The following SDC4 variants were observed in gnomAD, a reference collection of about 807,000 sequenced individuals.
SDC4 encodes the protein syndecan-4.
In SDC4, 17 loss-of-function variants were observed where a neutral mutation model predicts 20.5. The observed-to-expected ratio is 0.83, with a 90% confidence interval of 0.57 to 1.25. The LOEUF (loss-of-function observed/expected upper bound fraction) is 1.25. Ranked by LOEUF, SDC4 falls within the 50% of genes most tolerant of loss-of-function variation. The probability of loss-of-function intolerance (pLI) is 0.00; values close to 1 mark genes in which losing one functional copy is unlikely to be tolerated. For missense variants in SDC4, 241 were observed against 252.3 expected (o/e 0.96, Z 0.30); for synonymous variants, 107 against 105.3 (o/e 1.02, Z -0.10).
chr20:45,332,709 C>T (rs915354094), intron 3 of SDC4, among the ~76,000 whole-genome samples: 4 of 152,136 alleles, frequency 2.6e-5, no homozygotes, highest in Admixed American at 2.6e-4. Flanking sequence ...ATTCTCCCAC[C>T]TCAGCCTCTC....
chr20:45,330,356 G>A lies in SDC4; in HGVS notation c.445+10C>T, dbSNP rs761595803. On this transcript the variant is annotated intron_variant, in intron 4 of 4. Coordinates refer to ENST00000372733, the MANE Select transcript of SDC4 (RefSeq NM_002999.4). ...CTTCAAGGCATCTTATAAGCAGCATGGGGACTTACCTGCCAGGACCTCCGT... is the reference window on the plus strand; with the variant it reads ...CTTCAAGGCATCTTATAAGCAGCATAGGGACTTACCTGCCAGGACCTCCGT... 6 of 1,612,816 alleles carry A rather than the reference G, an allele frequency of 3.7e-6. No homozygotes were observed. The highest frequency in any genetic ancestry group is 5.1e-6 in the Non-Finnish European group (6 of 1,179,484).
chr20:45,348,271 G>T, intron 1 of SDC4, 54 bp downstream of exon 1: 1 of 1,458,926 alleles, frequency 6.9e-7, no homozygotes, highest in Non-Finnish European at 9.4e-7. Context: ...AACAAAGGAG[G>T]CACCGGCCTG....
At chr20:45,327,439 G>GC in intron 4 of SDC4, 24 bp from the exon 5 acceptor site, 1 of 1,606,908 alleles carries the variant, frequency 6.2e-7, no homozygotes. Flanking sequence ...GAGAGAAGAG[G>GC]CGGGGGTGAG....
intron 1 of SDC4, among the ~76,000 whole-genome samples, chr20:45,340,744 G>T (rs949469570): frequency 6.6e-6 from 1 of 152,222 alleles, no homozygotes; most frequent in Non-Finnish European, 1.5e-5. Flanking sequence ...GACCAGAAGG[G>T]TAATAACTGG....
At chr20:45,335,971 C>T in intron 1 of SDC4, 51 bp from the exon 2 acceptor site, 2 of 1,584,848 alleles carry the variant, frequency 1.3e-6, no homozygotes, top group Non-Finnish European at 8.6e-7. Flanking sequence ...TGCTCCATGA[C>T]AGCTGATGCC....
chr20:45,347,902 C>G (rs2853907), intron 1 of SDC4, among the ~76,000 whole-genome samples: 1 of 151,936 alleles, frequency 6.6e-6, no homozygotes, highest in Non-Finnish European at 1.5e-5. Context: ...TCCGAGTACA[C>G]GCAGCCCCCC....
intron 1 of SDC4, 106 bp from the exon 2 acceptor site, chr20:45,336,026 G>A (rs756368376): frequency 2.5e-5 from 32 of 1,295,538 alleles, no homozygotes; most frequent in Non-Finnish European, 3.4e-5. Flanking sequence ...AAGAGACCAG[G>A]CCAGGGCCTG....
intron 1 of SDC4, among the ~76,000 whole-genome samples, chr20:45,346,978 G>A (rs1052834777): frequency 6.6e-6 from 1 of 152,190 alleles, no homozygotes; most frequent in Admixed American, 6.5e-5. Flanking sequence ...CCCTGGGCAA[G>A]TTACTTAACC....
Position 45,327,207 on chromosome 20 carries a change from C to A in SDC4, c.*57G>T. 6.2e-7 allele frequency: 1 copy of A among 1,604,540 alleles called. No homozygotes were observed. The highest frequency in any genetic ancestry group is 8.5e-7 in the Non-Finnish European group (1 of 1,173,190). ...TCACCCTACCCTAATGTCCACCCTT[C>A]AAAATCCCCTGGCTTCCCTCCCCGC... On this transcript the variant is annotated 3_prime_UTR_variant, in exon 5 of 5. Coordinates refer to ENST00000372733, the MANE Select transcript of SDC4 (RefSeq NM_002999.4).
chr20:45,342,775 G>C (rs1235171022), intron 1 of SDC4, among the ~76,000 whole-genome samples: 5 of 152,286 alleles, frequency 3.3e-5, no homozygotes, highest in Admixed American at 1.3e-4. Context: ...CTTTTGGGGA[G>C]TACTGCAGCC....
rs200248946 is a variant in SDC4 at position 45,330,416 on chromosome 20, G to T, written c.395C>A (p.Ser132Tyr). ...SEDVSNKVSM[S>Y]STVQGSNIFE... ...GATGTTGCTGCCCTGCACAGTGCTG[G>T]ACATTGACACCTTGTTGGACACATC... The change falls in exon 4 of 5, where the codon TCC becomes TAC. Residue 132 changes from serine to tyrosine, a missense_variant. By Grantham distance (144) the Ser-to-Tyr change is moderately radical (BLOSUM62 -2). Coordinates refer to ENST00000372733, the MANE Select transcript of SDC4 (RefSeq NM_002999.4). The T allele has an allele frequency of 6.2e-7, 1 of 1,614,206 alleles. No homozygotes were observed. Among genetic ancestry groups the T allele is most frequent in the Non-Finnish European group, 8.5e-7 (1 of 1,180,050 alleles).
intron 1 of SDC4, among the ~76,000 whole-genome samples, chr20:45,344,192 C>T (rs1285855897): frequency 6.6e-6 from 1 of 152,162 alleles, no homozygotes; most frequent in African/African-American, 2.4e-5. Flanking sequence ...GTCTAAAGCC[C>T]AATTTTGAGG....
At chr20:45,330,036 A>G (rs1047061027) in intron 4 of SDC4, among the ~76,000 whole-genome samples, 1 of 152,192 alleles carries the variant, frequency 6.6e-6, no homozygotes, top group Non-Finnish European at 1.5e-5. Flanking sequence ...AGGGAAATTA[A>G]CTTTTAATGA....
chr20:45,331,144 G>A (rs1987771522), intron 3 of SDC4, among the ~76,000 whole-genome samples: 1 of 152,288 alleles, frequency 6.6e-6, no homozygotes, highest in East Asian at 1.9e-4. Flanking sequence ...GAGAACCACA[G>A]AAGGGATGAG....
chr20:45,330,624 G>T, intron 3 of SDC4, 60 bp from the exon 4 acceptor site: 1 of 1,427,708 alleles, frequency 7.0e-7, no homozygotes, highest in Non-Finnish European at 9.8e-7. Flanking sequence ...TCAGGGCAGG[G>T]GACAGGGACA....
intron 1 of SDC4, among the ~76,000 whole-genome samples, chr20:45,346,305 C>T (rs1222578149): frequency 1.3e-5 from 2 of 152,206 alleles, no homozygotes; most frequent in Non-Finnish European, 2.9e-5. Flanking sequence ...CAGTTACAGG[C>T]AGGAGGTCTG....
At chr20:45,347,880 A>T in intron 1 of SDC4, among the ~76,000 whole-genome samples, 1 of 151,520 alleles carries the variant, frequency 6.6e-6, no homozygotes, top group South Asian at 2.1e-4. Flanking sequence ...ACAACCCTAA[A>T]ACCCTCCCCC....
At chr20:45,328,801 G>A (rs1170523015) in intron 4 of SDC4, among the ~76,000 whole-genome samples, 1 of 152,154 alleles carries the variant, frequency 6.6e-6, no homozygotes. Context: ...TCTTTCTTGG[G>A]TAAAATCCTA....
intron 3 of SDC4, 120 bp downstream of exon 3, chr20:45,332,903 C>A (rs1182386877): frequency 9.8e-6 from 9 of 921,290 alleles, no homozygotes; most frequent in Non-Finnish European, 1.5e-5. Flanking sequence ...AAAAGCCTTC[C>A]CGCATAGTGG....
Sources: allele counts gnomAD v4.1 joint callset (sites outside exome capture counted in the v4.1 genomes callset), GRCh38; gene constraint gnomAD v4.1.1; transcripts MANE v1.5; gene names NCBI Gene and HGNC (gene_info 2026-07-23, HGNC 2026-07-21).